The following NSD2 variants were observed in gnomAD, a reference collection of about 807,000 sequenced individuals.
The protein encoded by NSD2 is histone-lysine N-methyltransferase NSD2.
A neutral mutation model predicts 139.0 loss-of-function variants in NSD2; 12 were observed. The observed-to-expected ratio is 0.09, with a 90% CI of 0.06 to 0.14. NSD2 has a LOEUF of 0.14. Ranked by LOEUF, NSD2 falls within the 10% of genes least tolerant of loss-of-function variation. The pLI is 1.00. For synonymous variants in NSD2, 669 were observed against 648.7 expected (o/e 1.03, Z -0.48); for missense variants, 1,155 against 1,745.0 (o/e 0.66, Z 6.02).
chr4:1,961,018 A>G lies in NSD2; in HGVS notation c.3256-17A>G, dbSNP rs556555650. ...TCAGCACGCTTTTTGTCATGGCCACATGCTTGTGATTTCCAGGGAGAATTT... is the reference window on the plus strand; with the variant it reads ...TCAGCACGCTTTTTGTCATGGCCACGTGCTTGTGATTTCCAGGGAGAATTT... On this transcript the variant is annotated splice_polypyrimidine_tract_variant and intron_variant, in intron 17 of 21. Transcript: ENST00000508803. The G allele has an allele frequency of 1.2e-6, 2 of 1,606,600 alleles. No homozygotes were observed. The highest frequency in any genetic ancestry group is 2.2e-5 in the East Asian group (1 of 44,692).
intron 18 of NSD2, among the ~76,000 whole-genome samples, chr4:1,962,084 A>G (rs1010635267): frequency 6.6e-6 from 1 of 152,240 alleles, no homozygotes; most frequent in Admixed American, 6.5e-5. Context: ...AAGGGCTGCT[A>G]TGGAAATAAG....
At chr4:1,935,077 T>G (rs1722230811) in intron 6 of NSD2, 67 bp from the exon 7 acceptor site, 3 of 1,321,726 alleles carry the variant, frequency 2.3e-6, no homozygotes, top group Middle Eastern at 1.9e-4. Flanking sequence ...GGGTAGGTTC[T>G]CACAGTGCTT....
chr4:1,894,502 G>A (rs993312995), intron 1 of NSD2, among the ~76,000 whole-genome samples: 11 of 151,864 alleles, frequency 7.2e-5, no homozygotes, highest in African/African-American at 2.7e-4. Context: ...GTGAAACCCC[G>A]TCTCTACAAA....
intron 9 of NSD2, chr4:1,944,890 C>G: frequency 9.4e-7 from 1 of 1,063,162 alleles, no homozygotes. Flanking sequence ...TATATTTTAT[C>G]TCTTATACCT....
chr4:1,887,749 G>C (rs902397190), intron 1 of NSD2: 1 of 152,104 alleles, frequency 6.6e-6, no homozygotes, highest in African/African-American at 2.4e-5. Flanking sequence ...CACTGTGATG[G>C]ATAATATTTA....
chr4:1,913,772 C>T (rs990057996), intron 3 of NSD2, among the ~76,000 whole-genome samples: 6 of 152,038 alleles, frequency 3.9e-5, no homozygotes, highest in African/African-American at 1.2e-4. Context: ...TACCAGTCTC[C>T]GCATCTTGGT....
intron 9 of NSD2, 136 bp from the exon 10 acceptor site, chr4:1,950,936 A>G: frequency 2.5e-6 from 3 of 1,177,762 alleles, no homozygotes; most frequent in Non-Finnish European, 3.6e-6. Flanking sequence ...CCACTGTGAA[A>G]TCACTGGCGG....
At chr4:1,906,289 A>G (rs569014037) in intron 3 of NSD2, among the ~76,000 whole-genome samples, 1 of 152,132 alleles carries the variant, frequency 6.6e-6, no homozygotes, top group South Asian at 2.1e-4. Flanking sequence ...CCCAAACTGG[A>G]GTGCAGTGGC....
chr4:1,874,120 C>T (rs1038832677), intron 1 of NSD2, among the ~76,000 whole-genome samples: 1 of 152,188 alleles, frequency 6.6e-6, no homozygotes, highest in Non-Finnish European at 1.5e-5. Flanking sequence ...GCTTTTTACT[C>T]ATATATTCTG....
At chr4:1,874,740 C>T (rs1414114910) in intron 1 of NSD2, among the ~76,000 whole-genome samples, 1 of 152,078 alleles carries the variant, frequency 6.6e-6, no homozygotes, top group Non-Finnish European at 1.5e-5. Flanking sequence ...TCTACCTCGT[C>T]AATTTCTCTA....
At chr4:1,896,822 T>A in intron 1 of NSD2, among the ~76,000 whole-genome samples, 1 of 151,912 alleles carries the variant, frequency 6.6e-6, no homozygotes, top group Non-Finnish European at 1.5e-5. Flanking sequence ...CTTTCTTTCT[T>A]TTCCTTTCTT....
intron 9 of NSD2, chr4:1,947,914 G>A (rs1723805575): frequency 9.5e-7 from 1 of 1,056,358 alleles, no homozygotes; most frequent in Non-Finnish European, 1.1e-6. Flanking sequence ...TGCAGTCACA[G>A]AAGGTGGCAT....
chr4:1,974,619 C>T lies in NSD2; in HGVS notation c.3373-244C>T, dbSNP rs777325988. On this transcript the variant is annotated intron_variant, in intron 18 of 21. Transcript: ENST00000508803. The surrounding 1 kb of genome is among the most constrained non-coding windows in gnomAD (Gnocchi z 4.0). The stretch of plus-strand genomic sequence containing the variant: ...GGAGGATGCTGGGAGCTCCAGCTCC[C>T]TGTCCTGTCCTCCCCGGCGCTCACT... The T allele has an allele frequency of 6.1e-6, 4 of 660,554 alleles. No homozygotes were observed. The highest frequency in any genetic ancestry group is 5.9e-5 in the South Asian group (4 of 67,946). The allele number at this position is 660,554 out of a possible 1,614,324, so 40.9% of individuals were successfully genotyped here. A position where few individuals can be genotyped will look rare whatever the true frequency, so the allele number is the denominator to read the frequency against.
intron 18 of NSD2, among the ~76,000 whole-genome samples, chr4:1,970,875 C>T (rs867072458): frequency 1.2e-4 from 19 of 152,218 alleles, no homozygotes; most frequent in Non-Finnish European, 1.8e-4. Context: ...CAAGCAGCTC[C>T]TCTGCCTCAC....
intron 1 of NSD2, among the ~76,000 whole-genome samples, chr4:1,880,430 G>A (rs1202398187): frequency 1.3e-5 from 2 of 152,134 alleles, no homozygotes; most frequent in Non-Finnish European, 2.9e-5. Context: ...ATTTCTGCCA[G>A]TCAGTGTGGC....
intron 9 of NSD2, chr4:1,946,655 A>G (rs1231747583): frequency 7.7e-6 from 8 of 1,035,958 alleles, no homozygotes; most frequent in Non-Finnish European, 9.3e-6. Flanking sequence ...TTTGGGTACC[A>G]TTTTTATTGT....
At chr4:1,886,339 TG>T (rs1715108222) in intron 1 of NSD2, among the ~76,000 whole-genome samples, 1 of 152,166 alleles carries the variant, frequency 6.6e-6, no homozygotes, top group South Asian at 2.1e-4. Flanking sequence ...CCTGAATAGC[TG>T]GTATTACAGG....
chr4:1,951,317 A>T, intron 10 of NSD2, 114 bp downstream of exon 10: 1 of 1,388,166 alleles, frequency 7.2e-7, no homozygotes, highest in Non-Finnish European at 9.8e-7. Context: ...CCCCAATCTC[A>T]CCGTCACTCA....
chr4:1,904,269 G>A lies in NSD2; in HGVS notation c.651G>A (p.Leu217=), dbSNP rs1479243165. ...CPNTGRDKDH[L]LKYNVGDLVW... The stretch of plus-strand genomic sequence containing the variant: ...ACACTGGAAGAGACAAAGACCACCT[G>A]TTGAAATACAACGTTGGTGATTTGG... The change falls in exon 3 of 22, where the codon CTG becomes CTA. Residue 217 remains leucine, a synonymous_variant. Transcript: ENST00000508803. The A allele has an allele frequency of 6.2e-7, 1 of 1,614,184 alleles. No individual in the cohort carries two copies. Among genetic ancestry groups the A allele is most frequent in the African/African-American group, 1.3e-5 (1 of 75,046 alleles).
Sources: gnomAD v4.1 joint callset for allele counts (sites outside exome capture counted in the v4.1 genomes callset) on GRCh38, gnomAD v4.1.1 for gene constraint, Gnocchi (gnomAD v3.1) non-coding constraint, MANE v1.5 for transcripts, NCBI Gene and HGNC (gene_info 2026-07-23, HGNC 2026-07-21) for gene names.